Variants in PPP1R1C observed in about 807,000 individuals in gnomAD.
The protein encoded by PPP1R1C is protein phosphatase 1 regulatory subunit 1C.
Under a neutral mutation model 17.4 loss-of-function variants are expected in PPP1R1C, and 15 were observed. The ratio of observed to expected loss-of-function variants is 0.86; its 90% CI spans 0.58 to 1.33. PPP1R1C has a LOEUF of 1.33. Among genes scored for constraint, PPP1R1C ranks in the 40% most tolerant of loss-of-function variants. The pLI, the probability that PPP1R1C is intolerant of heterozygous loss-of-function variation, is 0.00. For missense variants in PPP1R1C, 143 were observed against 130.0 expected, an observed-to-expected ratio of 1.10 and a Z score of -0.48; for synonymous variants, 35 against 43.1, an observed-to-expected ratio of 0.81 and a Z score of 0.73.
In PPP1R1C at chr2:181,986,042, C is replaced by A; in HGVS notation, c.-69C>A. ...TTAGTGGAGTGTGTCTGAGGAAACA[C>A]ATCCCGGACACCACTTAGGGTTAGT... On this transcript the variant is annotated 5_prime_UTR_variant, in exon 1 of 5. Coordinates refer to ENST00000682840, the MANE Select transcript of PPP1R1C (RefSeq NM_001080545.3). The A allele has an allele frequency of 8.3e-7, 1 of 1,205,502 alleles. No individual in the cohort carries two copies. Among genetic ancestry groups the A allele is most frequent in the South Asian group, 1.2e-5 (1 of 82,366 alleles). The allele number at this position is 1,205,502 out of a possible 1,614,324, so 74.7% of individuals were successfully genotyped here.
chr2:182,113,699 C>T (rs1222972310), intron 4 of PPP1R1C, among the ~76,000 whole-genome samples: 3 of 151,080 alleles, frequency 2.0e-5, no homozygotes, highest in Non-Finnish European at 2.9e-5. Context: ...ATTAACCTTT[C>T]TAAAAACAAA....
chr2:182,086,657 G>A (rs1174558712), intron 4 of PPP1R1C, among the ~76,000 whole-genome samples: 2 of 152,134 alleles, frequency 1.3e-5, no homozygotes, highest in Non-Finnish European at 2.9e-5. Context: ...CAGCAAATAT[G>A]CACAATAGTT....
Position 181,961,732 on chromosome 2 carries a change from G to T in PPP1R1C, n.111+7098G>T. 1.1e-6 allele frequency: 1 copy of T among 888,240 alleles called. No individual in the cohort carries two copies. Among genetic ancestry groups the T allele is most frequent in the Non-Finnish European group, 1.9e-6 (1 of 533,144 alleles). 55.0% of individuals were successfully genotyped at this position (888,240 alleles called of 1,614,324 possible). ...CTCATCATATTGGGCCCGGATATCTGCTATGATCTTGGCAAGGTCCTGAGA... is the reference window on the plus strand; with the variant it reads ...CTCATCATATTGGGCCCGGATATCTTCTATGATCTTGGCAAGGTCCTGAGA... On this transcript the variant is annotated intron_variant and non_coding_transcript_variant, in intron 1 of 5. Transcript: ENST00000464264. The surrounding 1 kb of genome is among the most constrained non-coding windows in gnomAD (Gnocchi z 5.8).
intron 1 of PPP1R1C, among the ~76,000 whole-genome samples, chr2:181,956,144 T>C (rs1325680999): frequency 6.6e-6 from 1 of 152,100 alleles, no homozygotes; most frequent in Non-Finnish European, 1.5e-5. Context: ...TGAGAACATG[T>C]GGTGTTTGGT....
intron 4 of PPP1R1C, among the ~76,000 whole-genome samples, chr2:182,087,119 G>T (rs1487289648): frequency 6.6e-6 from 1 of 152,172 alleles, no homozygotes; most frequent in Non-Finnish European, 1.5e-5. Context: ...AAAGCCAGTT[G>T]TTATCATTGT....
Position 181,997,241 on chromosome 2 carries a change from A to G in PPP1R1C, c.142+9342A>G, listed in dbSNP as rs901047304. ...AAGACTCCGTCTCAAAAAAAAAAAAAAAAAGAAAAGAAGACATATACACAA... is the reference window on the plus strand; with the variant it reads ...AAGACTCCGTCTCAAAAAAAAAAAAGAAAAGAAAAGAAGACATATACACAA... On this transcript the variant is annotated intron_variant, in intron 2 of 4. Coordinates refer to ENST00000682840, the MANE Select transcript of PPP1R1C (RefSeq NM_001080545.3). Among the ~76,000 whole-genome samples the G allele has an allele frequency of 6.6e-4, 100 of 151,916 alleles. 1 individual carries two copies. The highest frequency in any genetic ancestry group is 2.3e-3 in the African/African-American group (96 of 41,474).
intron 4 of PPP1R1C, among the ~76,000 whole-genome samples, chr2:182,105,804 G>A (rs1179106808): frequency 6.6e-6 from 1 of 152,176 alleles, no homozygotes; most frequent in African/African-American, 2.4e-5. Flanking sequence ...TATTGGGGAG[G>A]ATGGGGATTT....
chr2:182,006,544 A>T (rs1260890021), intron 2 of PPP1R1C, among the ~76,000 whole-genome samples: 1 of 152,222 alleles, frequency 6.6e-6, no homozygotes, highest in Non-Finnish European at 1.5e-5. Flanking sequence ...TTGCTGCTGA[A>T]TGTGGTTACA....
chr2:182,031,859 T>C (rs895567626), intron 2 of PPP1R1C, among the ~76,000 whole-genome samples: 4 of 152,212 alleles, frequency 2.6e-5, no homozygotes, highest in Non-Finnish European at 5.9e-5. Context: ...GAAAAAAAGA[T>C]TGATATTCAC....
intron 4 of PPP1R1C, among the ~76,000 whole-genome samples, chr2:182,098,170 A>C (rs1440761060): frequency 6.6e-6 from 1 of 152,164 alleles, no homozygotes. Flanking sequence ...TTGAAACAGC[A>C]AATGTAGGCC....
chr2:182,109,547 A>G (rs1222336321), intron 4 of PPP1R1C, among the ~76,000 whole-genome samples: 1 of 152,036 alleles, frequency 6.6e-6, no homozygotes, highest in Non-Finnish European at 1.5e-5. Flanking sequence ...CTAGATTATT[A>G]TATTTTTTTG....
chr2:181,995,626 C>T (rs1020256961), intron 2 of PPP1R1C, among the ~76,000 whole-genome samples: 1 of 152,136 alleles, frequency 6.6e-6, no homozygotes, highest in African/African-American at 2.4e-5. Flanking sequence ...AAATTACTAA[C>T]AGTTCTTTCT....
chr2:181,994,136 T>A (rs943432244), intron 2 of PPP1R1C, among the ~76,000 whole-genome samples: 2 of 152,102 alleles, frequency 1.3e-5, no homozygotes, highest in Non-Finnish European at 2.9e-5. Context: ...TTTGCCAATA[T>A]AATTTTTGTG....
intron 4 of PPP1R1C, among the ~76,000 whole-genome samples, chr2:182,109,418 A>G (rs1301236502): frequency 6.6e-6 from 1 of 152,206 alleles, no homozygotes; most frequent in Non-Finnish European, 1.5e-5. Context: ...AGCCATCCCC[A>G]TATTTAAGGC....
In PPP1R1C at chr2:182,117,442, G is replaced by A; in HGVS notation, c.*147G>A. 1.7e-6 allele frequency: 1 copy of A among 587,362 alleles called. No homozygotes were observed. The allele number at this position is 587,362 out of a possible 1,614,324, so 36.4% of individuals were successfully genotyped here. A position where few individuals can be genotyped will look rare whatever the true frequency, so the allele number is the denominator to read the frequency against. ...TACAGTAGCTATGCACATCCTGGAA[G>A]TCTCCTTGACTGAACTTTAGAACTA... On this transcript the variant is annotated 3_prime_UTR_variant, in exon 5 of 5. Coordinates refer to ENST00000682840, the MANE Select transcript of PPP1R1C (RefSeq NM_001080545.3).
chr2:182,117,165 A>T, intron 4 of PPP1R1C, 42 bp from the exon 5 acceptor site: 1 of 1,350,082 alleles, frequency 7.4e-7, no homozygotes. Context: ...ATATTCCAGA[A>T]ATGAAAATCA....
intron 4 of PPP1R1C, among the ~76,000 whole-genome samples, chr2:182,111,014 T>C (rs551696546): frequency 6.6e-6 from 1 of 152,176 alleles, no homozygotes; most frequent in African/African-American, 2.4e-5. Context: ...GCAGAATCCT[T>C]GCAACATTTT....
downstream of PPP1R1C, among the ~76,000 whole-genome samples, chr2:182,119,750 GTTGT>G (rs1237869282): frequency 1.3e-5 from 2 of 152,270 alleles, no homozygotes; most frequent in South Asian, 2.1e-4. Flanking sequence ...TTTTGATGGG[GTTGT>G]TTGTTTTTTT....
chr2:182,043,482 G>C (rs1687246790), intron 2 of PPP1R1C, among the ~76,000 whole-genome samples: 1 of 151,488 alleles, frequency 6.6e-6, no homozygotes, highest in Non-Finnish European at 1.5e-5. Flanking sequence ...ATAGGAGAAA[G>C]CTCTATAAAG....
Sources: gnomAD v4.1 joint callset for allele counts (sites outside exome capture counted in the v4.1 genomes callset) on GRCh38, gnomAD v4.1.1 for gene constraint, Gnocchi (gnomAD v3.1) non-coding constraint, MANE v1.5 for transcripts, NCBI Gene and HGNC (gene_info 2026-07-23, HGNC 2026-07-21) for gene names.